SCAPER: variants seen among roughly 807,000 people sequenced by gnomAD.
The protein encoded by SCAPER is S-phase cyclin A associated protein in the ER.
In SCAPER, 98 loss-of-function variants were observed where a neutral mutation model predicts 182.2. That is an observed-to-expected ratio of 0.54 (90% CI 0.46 to 0.64). The LOEUF (loss-of-function observed/expected upper bound fraction) is 0.64. Among genes scored for constraint, SCAPER ranks in the 30% least tolerant of loss-of-function variants. The pLI, the probability that SCAPER is intolerant of heterozygous loss-of-function variation, is 0.00. For missense variants in SCAPER, 1,432 were observed against 1,690.0 expected, an observed-to-expected ratio of 0.85 and a Z score of 2.68; for synonymous variants, 605 against 564.6, an observed-to-expected ratio of 1.07 and a Z score of -1.01.
chr15:76,882,222 C>A (rs1187339456), intron 2 of SCAPER, among the ~76,000 whole-genome samples: 1 of 151,892 alleles, frequency 6.6e-6, no homozygotes, highest in African/African-American at 2.4e-5. Context: ...CAAAGCAAGA[C>A]CCTATCGCTA....
At chr15:76,658,921 A>G (rs940223530) in intron 21 of SCAPER, among the ~76,000 whole-genome samples, 4 of 152,218 alleles carry the variant, frequency 2.6e-5, no homozygotes, top group Non-Finnish European at 5.9e-5. Flanking sequence ...AATCAACTCA[A>G]GATGGATTAA....
In SCAPER at chr15:76,652,051, A is replaced by G. The variant is rs2055095268; in HGVS notation, c.2645+13602T>C. Among the ~76,000 whole-genome samples, 3 of 150,902 alleles carry G rather than the reference A, an allele frequency of 2.0e-5. No homozygotes were observed. In the South Asian group the frequency reaches 6.3e-4, roughly 32 times the overall value. ...ATAACCATCTAAATAGATGCAGTGG[A>G]AGCATTTGATAAAATCCAACACCCC... On this transcript the variant is annotated intron_variant, in intron 21 of 31. Transcript: ENST00000563290.
At chr15:76,750,200 C>G (rs556588199) in intron 15 of SCAPER, among the ~76,000 whole-genome samples, 1 of 151,632 alleles carries the variant, frequency 6.6e-6, no homozygotes, top group Admixed American at 6.6e-5. Context: ...TCAACCCTAA[C>G]TCATAATACA....
intron 25 of SCAPER, among the ~76,000 whole-genome samples, chr15:76,467,807 T>C (rs1349593593): frequency 2.6e-5 from 4 of 152,160 alleles, no homozygotes; most frequent in African/African-American, 9.7e-5. Flanking sequence ...AGTTCACCTC[T>C]GTAACCCAGG....
At chr15:76,360,943 G>A (rs1287993080) in intron 29 of SCAPER, among the ~76,000 whole-genome samples, 2 of 151,388 alleles carry the variant, frequency 1.3e-5, no homozygotes, top group African/African-American at 4.9e-5. Flanking sequence ...TGCAAAACTG[G>A]TCTTATATTT....
At chr15:76,875,441 C>T (rs2073069927) in intron 2 of SCAPER, among the ~76,000 whole-genome samples, 1 of 152,098 alleles carries the variant, frequency 6.6e-6, no homozygotes, top group Admixed American at 6.6e-5. Context: ...GTCAGGAGTT[C>T]AAGACCACCC....
intron 21 of SCAPER, among the ~76,000 whole-genome samples, chr15:76,637,734 ATATATATATGTGTGTGTGTG>A (rs1312180567): frequency 4.4e-4 from 14 of 31,550 alleles, no homozygotes; most frequent in African/African-American, 1.1e-3. Flanking sequence ...ATATATATAT[ATATATATATGTGTGTGTGTG>A]TGTGTGTGTG....
chr15:76,351,210 T>G, intron 31 of SCAPER, 27 bp downstream of exon 31: 1 of 1,591,540 alleles, frequency 6.3e-7, no homozygotes, highest in South Asian at 1.2e-5. Context: ...AACAAACACA[T>G]GAAATTTAAT....
intron 5 of SCAPER, among the ~76,000 whole-genome samples, chr15:76,829,889 G>A (rs529598863): frequency 6.6e-6 from 1 of 152,238 alleles, no homozygotes; most frequent in South Asian, 2.1e-4. Flanking sequence ...GGAGCTTAGT[G>A]TCTAGAAAGG....
chr15:76,888,162 C>T (rs943301075), intron 1 of SCAPER, among the ~76,000 whole-genome samples: 9 of 152,184 alleles, frequency 5.9e-5, no homozygotes, highest in Non-Finnish European at 1.2e-4. Flanking sequence ...CACACCAAAA[C>T]CTCATCTGTA....
chr15:76,660,027 G>A (rs2056002271), intron 21 of SCAPER, among the ~76,000 whole-genome samples: 2 of 152,168 alleles, frequency 1.3e-5, no homozygotes, highest in African/African-American at 4.8e-5. Context: ...AAAGAAAATG[G>A]GGTACATATG....
intron 15 of SCAPER, among the ~76,000 whole-genome samples, chr15:76,742,832 C>A (rs927033268): frequency 3.4e-4 from 52 of 151,984 alleles, no homozygotes; most frequent in Middle Eastern, 3.4e-3. Flanking sequence ...AAGGAAAGTA[C>A]ACTTATAGTA....
At chr15:76,678,776 T>A (rs893221993) in intron 20 of SCAPER, among the ~76,000 whole-genome samples, 2 of 152,124 alleles carry the variant, frequency 1.3e-5, no homozygotes, top group Admixed American at 6.5e-5. Flanking sequence ...CAGCACTTTA[T>A]CACATATTTT....
At chr15:76,785,375 A>G (rs950913257) in intron 8 of SCAPER, among the ~76,000 whole-genome samples, 1 of 152,194 alleles carries the variant, frequency 6.6e-6, no homozygotes, top group Non-Finnish European at 1.5e-5. Flanking sequence ...AAGTCAGGAA[A>G]CAACAGATGC....
At chr15:76,513,215 G>C (rs1245940896) in intron 23 of SCAPER, among the ~76,000 whole-genome samples, 3 of 152,158 alleles carry the variant, frequency 2.0e-5, no homozygotes, top group Admixed American at 6.5e-5. Context: ...ATTAGTGATG[G>C]AACAAAAGAA....
intron 23 of SCAPER, among the ~76,000 whole-genome samples, chr15:76,540,590 G>T (rs1361301277): frequency 6.6e-6 from 1 of 151,780 alleles, no homozygotes; most frequent in Non-Finnish European, 1.5e-5. Flanking sequence ...CATAGAAAAA[G>T]TCTGGAAGAA....
At chr15:76,600,238 C>T (rs2049809480) in intron 22 of SCAPER, among the ~76,000 whole-genome samples, 1 of 119,508 alleles carries the variant, frequency 8.4e-6, no homozygotes. Context: ...AGATAACATA[C>T]TTTTCAAAAA....
Position 76,593,042 on chromosome 15 carries a change from C to T in SCAPER, c.2712-18758G>A, listed in dbSNP as rs2049242359. 1.7e-5 allele frequency among the ~76,000 whole-genome samples: 2 copies of T among 120,372 alleles called. 1 individual carries two copies. Among genetic ancestry groups the T allele is most frequent in the Non-Finnish European group, 4.0e-5 (2 of 49,576 alleles). 79.0% of individuals were successfully genotyped at this position (120,372 alleles called of 152,430 possible). ...CGTCTTGCTCAGCAGATCCCACCCCCACAGAGGCCAGCAAGCTAATATCCA... is the reference window on the plus strand; with the variant it reads ...CGTCTTGCTCAGCAGATCCCACCCCTACAGAGGCCAGCAAGCTAATATCCA... On this transcript the variant is annotated intron_variant, in intron 22 of 31. Transcript: ENST00000563290.
At chr15:76,509,692 C>T (rs2041873069) in intron 23 of SCAPER, among the ~76,000 whole-genome samples, 1 of 152,074 alleles carries the variant, frequency 6.6e-6, no homozygotes, top group South Asian at 2.1e-4. Flanking sequence ...CAAAATGCTA[C>T]CATCATTCTT....
Sources: gnomAD v4.1 joint callset for allele counts (sites outside exome capture counted in the v4.1 genomes callset) on GRCh38, gnomAD v4.1.1 for gene constraint, MANE v1.5 for transcripts, NCBI Gene and HGNC (gene_info 2026-07-23, HGNC 2026-07-21) for gene names.